Variants in EPC2 observed in about 807,000 individuals in gnomAD.
EPC2 encodes the protein enhancer of polycomb homolog 2.
EPC2 carries 14 observed loss-of-function variants against 92.1 expected under a neutral mutation model. That is an observed-to-expected ratio of 0.15 (90% CI 0.10 to 0.24). The LOEUF (loss-of-function observed/expected upper bound fraction) is 0.24, where lower values mean the gene tolerates loss of function less well. EPC2 is among the 10% of genes least tolerant of loss of function. The pLI is 1.00. For missense variants in EPC2, 755 were observed against 971.5 expected (o/e 0.78, Z 2.96); for synonymous variants, 340 against 334.7 (o/e 1.02, Z -0.17).
intron 1 of EPC2, among the ~76,000 whole-genome samples, chr2:148,648,635 C>T (rs913628710): frequency 7.9e-5 from 12 of 152,108 alleles, no homozygotes; most frequent in African/African-American, 2.7e-4. Flanking sequence ...GGCTTTTTCC[C>T]ATTCCCCCTC....
intron 2 of EPC2, among the ~76,000 whole-genome samples, chr2:148,701,308 G>A (rs1356568412): frequency 6.6e-6 from 1 of 152,140 alleles, no homozygotes; most frequent in Non-Finnish European, 1.5e-5. Context: ...TTGCATAGAA[G>A]TGGTGAGAAG....
chr2:148,648,315 T>C (rs926330077), intron 1 of EPC2, among the ~76,000 whole-genome samples: 1 of 152,248 alleles, frequency 6.6e-6, no homozygotes, highest in African/African-American at 2.4e-5. Flanking sequence ...TTCTCTGGTC[T>C]TACAGGACTT....
chr2:148,684,380 T>C (rs867130433), intron 1 of EPC2, among the ~76,000 whole-genome samples: 1 of 152,234 alleles, frequency 6.6e-6, no homozygotes, highest in Non-Finnish European at 1.5e-5. Context: ...TATTTATCTT[T>C]GTTGCATTTG....
At chr2:148,775,648 TC>T (rs1683618110) in intron 10 of EPC2, among the ~76,000 whole-genome samples, 1 of 16,084 alleles carries the variant, frequency 6.2e-5, no homozygotes, top group Non-Finnish European at 1.8e-4. Context: ...TTAAATAAAA[TC>T]TTTAAATAAA....
In EPC2 at chr2:148,691,511, ATTC is replaced by A. The variant is rs763855415; in HGVS notation, c.313+1140_313+1142del. The A allele has an allele frequency of 7.4e-5, 114 of 1,549,736 alleles. No individual in the cohort carries two copies. In the African/African-American group the frequency reaches 1.4e-3, roughly 19 times the overall value. On this transcript the variant is annotated intron_variant, in intron 2 of 13. Transcript: ENST00000258484. ...CTATAAGATTGACTGCTTTTCATTG[ATTC>A]TGAGATGCACTGTTTTCATCTTTGC...
At chr2:148,743,992 A>C (rs576823105) in intron 3 of EPC2, among the ~76,000 whole-genome samples, 6 of 152,106 alleles carry the variant, frequency 3.9e-5, no homozygotes, top group Non-Finnish European at 7.4e-5. Context: ...TAAAAATAAT[A>C]CTAGTCACAA....
chr2:148,769,801 T>C (rs1683481881), intron 8 of EPC2, among the ~76,000 whole-genome samples: 1 of 152,200 alleles, frequency 6.6e-6, no homozygotes, highest in African/African-American at 2.4e-5. Context: ...AATGTAGCAT[T>C]GTGAGGATGG....
chr2:148,780,626 T>C (rs1683729292), intron 10 of EPC2, among the ~76,000 whole-genome samples: 1 of 152,284 alleles, frequency 6.6e-6, no homozygotes, highest in East Asian at 1.9e-4. Flanking sequence ...AGAGATCCTT[T>C]TCTTATTTTC....
At chr2:148,704,422 A>C (rs1245337772) in intron 2 of EPC2, among the ~76,000 whole-genome samples, 3 of 152,210 alleles carry the variant, frequency 2.0e-5, no homozygotes, top group Non-Finnish European at 4.4e-5. Flanking sequence ...GATGAAAAGC[A>C]TTAGGGAGAC....
intron 1 of EPC2, among the ~76,000 whole-genome samples, chr2:148,663,194 GTATTATTATTATTATTATTATTAT>G (rs56337513): frequency 2.9e-5 from 4 of 136,350 alleles, no homozygotes; most frequent in Non-Finnish European, 4.7e-5. Context: ...CTGTGTTTTT[GTATTATTATTATTATTATTATTAT>G]TATTATTATT....
chr2:148,705,687 G>A (rs542546707), intron 2 of EPC2, among the ~76,000 whole-genome samples: 2 of 152,232 alleles, frequency 1.3e-5, no homozygotes, highest in African/African-American at 4.8e-5. Flanking sequence ...TGCAGCCTCT[G>A]CTGGTGATAC....
chr2:148,729,031 C>CAAAAAA (rs376309552), intron 2 of EPC2, among the ~76,000 whole-genome samples: 3 of 63,648 alleles, frequency 4.7e-5, no homozygotes, highest in Non-Finnish European at 8.5e-5. Context: ...AACTCCATCT[C>CAAAAAA]AAAAAAAAAA....
At chr2:148,720,064 A>G (rs1480541182) in intron 2 of EPC2, among the ~76,000 whole-genome samples, 2 of 152,144 alleles carry the variant, frequency 1.3e-5, no homozygotes, top group African/African-American at 2.4e-5. Flanking sequence ...CTGCCCAGGT[A>G]GCAGCCCTCC....
chr2:148,725,592 T>C (rs1682477984), intron 2 of EPC2, among the ~76,000 whole-genome samples: 1 of 152,130 alleles, frequency 6.6e-6, no homozygotes, highest in Non-Finnish European at 1.5e-5. Flanking sequence ...TTAATAATTG[T>C]CCGAAAAATG....
At position 148,645,183 on chromosome 2, in the gene EPC2, G is replaced by C; in HGVS notation, c.153+13G>C. The C allele has an allele frequency of 1.3e-6, 2 of 1,597,290 alleles. No individual in the cohort carries two copies. The highest frequency in any genetic ancestry group is 1.1e-5 in the South Asian group (1 of 88,428). On this transcript the variant is annotated intron_variant, in intron 1 of 13. Coordinates refer to ENST00000258484, the MANE Select transcript of EPC2 (RefSeq NM_015630.4). ...GGAGGAGGAATCGGTAGGGACTCGA[G>C]TGTTTATTACCCCCCCTTCCCTCCT...
intron 2 of EPC2, among the ~76,000 whole-genome samples, chr2:148,726,765 G>GTTTTTTTTTTTTTTTTGTT (rs201293391): frequency 2.0e-5 from 2 of 100,608 alleles, no homozygotes; most frequent in Non-Finnish European, 4.0e-5. Flanking sequence ...TTTGTTTTTT[G>GTTTTTTTTTTTTTTTTGTT]TTTTTTTTTT....
At chr2:148,693,852 C>G (rs1195112263) in intron 2 of EPC2, among the ~76,000 whole-genome samples, 2 of 152,182 alleles carry the variant, frequency 1.3e-5, no homozygotes, top group African/African-American at 4.8e-5. Context: ...TCTGACGTCT[C>G]TCAGCATTGT....
At chr2:148,732,677 G>A (rs538941847) in intron 2 of EPC2, among the ~76,000 whole-genome samples, 16 of 152,154 alleles carry the variant, frequency 1.1e-4, no homozygotes, top group African/African-American at 3.4e-4. Flanking sequence ...CACTGTGCCC[G>A]GCCATTTTTG....
intron 2 of EPC2, among the ~76,000 whole-genome samples, chr2:148,691,173 T>C (rs1008429788): frequency 1.3e-5 from 2 of 152,234 alleles, no homozygotes; most frequent in Non-Finnish European, 2.9e-5. Context: ...TCTCCTGTTA[T>C]ATTTACTGTC....
Sources: allele counts gnomAD v4.1 joint callset (sites outside exome capture counted in the v4.1 genomes callset), GRCh38; gene constraint gnomAD v4.1.1; transcripts MANE v1.5; gene names NCBI Gene and HGNC (gene_info 2026-07-23, HGNC 2026-07-21).